INPP5F: variants seen among roughly 807,000 people sequenced by gnomAD.
INPP5F encodes phosphatidylinositide 4-phosphatase SAC2.
A neutral mutation model predicts 137.2 loss-of-function variants in INPP5F; 97 were observed. The ratio of observed to expected loss-of-function variants is 0.71; its 90% confidence interval spans 0.60 to 0.84. The LOEUF (loss-of-function observed/expected upper bound fraction) is 0.84, where lower values mean the gene tolerates loss of function less well. INPP5F is among the 40% of genes least tolerant of loss of function. INPP5F has a pLI of 0.00. For synonymous variants in INPP5F, 504 were observed against 476.9 expected (o/e 1.06, Z -0.74); for missense variants, 1,271 against 1,371.9 (o/e 0.93, Z 1.16).
At chr10:119,744,299 A>C (rs558190411) in intron 1 of INPP5F, among the ~76,000 whole-genome samples, 1 of 152,192 alleles carries the variant, frequency 6.6e-6, no homozygotes, top group Non-Finnish European at 1.5e-5. Flanking sequence ...CCTAGCCTCC[A>C]GTGCCCCATT....
chr10:119,734,912 TG>T (rs1848178893), intron 1 of INPP5F, among the ~76,000 whole-genome samples: 2 of 108,928 alleles, frequency 1.8e-5, no homozygotes, highest in Non-Finnish European at 4.7e-5. Flanking sequence ...ATAATCATTA[TG>T]TGTCAGCTGC....
rs763533940 is a variant in INPP5F, at chr10:119,823,882, A to G, written c.2229A>G (p.Ile743Met). 4 of 1,613,602 alleles carry G rather than the reference A, an allele frequency of 2.5e-6. No individual in the cohort carries two copies. Among genetic ancestry groups the G allele is most frequent in the Non-Finnish European group, 3.4e-6 (4 of 1,179,562 alleles). ...TKQAMGSDLP[I>M]IEKKLERKSS... ...AAGCCATGGGATCGGATTTACCCAT[A>G]ATTGAGAAGAAACTTGAGAGGTGAG... Residue 743 changes from isoleucine to methionine, a missense_variant, in exon 19 of 20, where the codon ATA becomes ATG. Ile to Met is a conservative substitution (Grantham distance 10). Transcript: ENST00000650623.
At chr10:119,735,202 ACATT>A (rs1442646851) in intron 1 of INPP5F, among the ~76,000 whole-genome samples, 1 of 152,224 alleles carries the variant, frequency 6.6e-6, no homozygotes, top group Admixed American at 6.5e-5. Flanking sequence ...TAGCATCCAC[ACATT>A]CTTTCTTTGG....
intron 1 of INPP5F, among the ~76,000 whole-genome samples, chr10:119,740,739 C>T (rs1848349156): frequency 6.6e-6 from 1 of 152,142 alleles, no homozygotes; most frequent in Admixed American, 6.5e-5. Flanking sequence ...GACAGGGTTT[C>T]ACCATGTTGG....
intron 19 of INPP5F, chr10:119,825,935 T>G (rs1019148576): frequency 9.3e-5 from 37 of 398,422 alleles, no homozygotes; most frequent in Non-Finnish European, 1.8e-5. Context: ...GCATCAACTT[T>G]TCTTTCTTAT....
intron 2 of INPP5F, among the ~76,000 whole-genome samples, chr10:119,773,357 T>C (rs1849425427): frequency 6.6e-6 from 1 of 152,150 alleles, no homozygotes; most frequent in Non-Finnish European, 1.5e-5. Flanking sequence ...TCTCCCAGCC[T>C]GTTTTTCAAA....
chr10:119,794,005 T>C (rs886356470), intron 6 of INPP5F, among the ~76,000 whole-genome samples: 2 of 152,220 alleles, frequency 1.3e-5, no homozygotes, highest in African/African-American at 4.8e-5. Context: ...TTTATTTTTA[T>C]TTTTATTTTT....
intron 3 of INPP5F, among the ~76,000 whole-genome samples, chr10:119,789,317 A>C (rs1277076965): frequency 6.6e-6 from 1 of 152,156 alleles, no homozygotes; most frequent in Non-Finnish European, 1.5e-5. Context: ...GCAAGTAAGC[A>C]TGTTTTCAGG....
chr10:119,810,035 C>T (rs1439257170), intron 13 of INPP5F, 65 bp from the exon 14 acceptor site: 20 of 892,876 alleles, frequency 2.2e-5, no homozygotes, highest in Middle Eastern at 2.2e-4. Flanking sequence ...ACTGAAAGCC[C>T]ACAATTTATT....
intron 1 of INPP5F, among the ~76,000 whole-genome samples, chr10:119,729,578 C>CTT (rs10716310): frequency 7.0e-6 from 1 of 142,506 alleles, no homozygotes; most frequent in Non-Finnish European, 1.5e-5. Flanking sequence ...ATCTCATTAT[C>CTT]TTTTTTTTTT....
chr10:119,771,637 G>T (rs12771043), intron 2 of INPP5F, among the ~76,000 whole-genome samples: 1 of 151,310 alleles, frequency 6.6e-6, no homozygotes, highest in Non-Finnish European at 1.5e-5. Flanking sequence ...CTTCCCAAGT[G>T]TATAGACTAC....
chr10:119,775,079 CTCT>C (rs1378923250), intron 2 of INPP5F, among the ~76,000 whole-genome samples: 2 of 152,074 alleles, frequency 1.3e-5, no homozygotes, highest in African/African-American at 2.4e-5. Flanking sequence ...CTTAATTTCT[CTCT>C]TCTTTGGAAA....
At chr10:119,770,609 A>G (rs1156994952) in intron 2 of INPP5F, among the ~76,000 whole-genome samples, 8 of 152,220 alleles carry the variant, frequency 5.3e-5, no homozygotes, top group Admixed American at 5.2e-4. Flanking sequence ...AAATAATTAC[A>G]GGAGTAGAGA....
intron 2 of INPP5F, among the ~76,000 whole-genome samples, chr10:119,778,627 A>C (rs1242290818): frequency 6.6e-6 from 1 of 152,110 alleles, no homozygotes; most frequent in Non-Finnish European, 1.5e-5. Context: ...CATTATATTT[A>C]GTTCTCTGTT....
chr10:119,816,955 A>G (rs1459188035), intron 15 of INPP5F, among the ~76,000 whole-genome samples: 1 of 152,220 alleles, frequency 6.6e-6, no homozygotes, highest in East Asian at 1.9e-4. Flanking sequence ...GGACATTTTC[A>G]TCACCACAAA....
intron 2 of INPP5F, among the ~76,000 whole-genome samples, chr10:119,771,845 G>T (rs1433165492): frequency 0.014 from 464 of 32,842 alleles, 20 homozygotes; most frequent in Non-Finnish European, 0.021. Context: ...AAAGTATGGA[G>T]ATATATATAT....
chr10:119,820,772 G>A, intron 15 of INPP5F, 74 bp from the exon 16 acceptor site: 1 of 1,222,834 alleles, frequency 8.2e-7, no homozygotes, highest in Non-Finnish European at 1.2e-6. Flanking sequence ...AAGTAGCTCT[G>A]CTGTAGAAAT....
At position 119,768,194 on chromosome 10, in the gene INPP5F, C is replaced by T. The variant is rs534261137; in HGVS notation, c.179-13441C>T. On this transcript the variant is annotated intron_variant, in intron 2 of 19. Coordinates refer to ENST00000650623, the MANE Select transcript of INPP5F (RefSeq NM_014937.4). ...AAGACTTTGGAGTATATAGTATGCACCTCTGTCTTTGGGTTAATATTTGTT... is the reference window on the plus strand; with the variant it reads ...AAGACTTTGGAGTATATAGTATGCATCTCTGTCTTTGGGTTAATATTTGTT... 3.3e-5 allele frequency: 5 copies of T among 152,180 alleles called. No homozygotes were observed. The South Asian group carries it at 8.3e-4, about 25-fold the overall frequency. The allele number at this position is 152,180 out of a possible 1,614,324, so 9.4% of individuals were successfully genotyped here.
rs1309893446 is a variant in INPP5F, at chr10:119,827,538, CT to C, written c.3159del (p.His1054MetfsTer2). On this transcript the variant is annotated frameshift_variant, in exon 20 of 20. Coordinates refer to ENST00000650623, the MANE Select transcript of INPP5F (RefSeq NM_014937.4). LOFTEE classifies it high-confidence loss of function. The part of the protein sequence containing the change: ...ASSMLELETG[L>X]HVTPSPSESS... ...CAGCATGCTTGAACTTGAGACAGGG[CT>C]TCATGTAACTCCTTCTCCTTCAGAG... 2 of 1,614,008 alleles carry C rather than the reference CT, an allele frequency of 1.2e-6. No homozygotes were observed. Among genetic ancestry groups the C allele is most frequent in the Admixed American group, 1.7e-5 (1 of 59,998 alleles).
Sources: allele counts gnomAD v4.1 joint callset (sites outside exome capture counted in the v4.1 genomes callset), GRCh38; gene constraint gnomAD v4.1.1; transcripts MANE v1.5; gene names NCBI Gene and HGNC (gene_info 2026-07-23, HGNC 2026-07-21).